Variants in VPS50 observed in about 807,000 individuals in gnomAD.
VPS50 encodes VPS50 subunit of EARP/GARPII complex, also known as syndetin.
VPS50 carries 70 observed loss-of-function variants against 139.7 expected under a neutral mutation model. That is an observed-to-expected ratio of 0.50 (90% CI 0.41 to 0.61). The LOEUF is 0.61. Among genes scored for constraint, VPS50 ranks in the 20% least tolerant of loss-of-function variants. VPS50 has a pLI of 0.00. For missense variants in VPS50, 921 were observed against 1,133.7 expected (o/e 0.81, Z 2.69); for synonymous variants, 365 against 376.7 (o/e 0.97, Z 0.36).
intron 5 of VPS50, 42 bp from the exon 6 acceptor site, chr7:93,257,352 T>C (rs1420121558): frequency 8.2e-7 from 1 of 1,219,394 alleles, no homozygotes; most frequent in African/African-American, 1.5e-5. Context: ...GAAAGAAAAA[T>C]AAAATACCTC....
At chr7:93,309,633 A>G (rs1213110790) in intron 19 of VPS50, among the ~76,000 whole-genome samples, 1 of 151,828 alleles carries the variant, frequency 6.6e-6, no homozygotes, top group East Asian at 1.9e-4. Context: ...CCCCTATGTC[A>G]TTTTTGTTCA....
chr7:93,344,601 T>C (rs1798332126), intron 23 of VPS50, among the ~76,000 whole-genome samples: 1 of 151,926 alleles, frequency 6.6e-6, no homozygotes, highest in Non-Finnish European at 1.5e-5. Flanking sequence ...CCTCAGCAAA[T>C]GTAAAAGAAC....
At chr7:93,239,814 T>A in intron 1 of VPS50, 52 bp from the exon 2 acceptor site, 2 of 1,065,428 alleles carry the variant, frequency 1.9e-6, no homozygotes, top group Non-Finnish European at 1.5e-6. Context: ...TTCTATCCTT[T>A]TATAATTCTT....
chr7:93,318,064 T>C (rs1158456370), intron 20 of VPS50, among the ~76,000 whole-genome samples: 1 of 150,026 alleles, frequency 6.7e-6, no homozygotes, highest in African/African-American at 2.5e-5. Flanking sequence ...TATAATCATA[T>C]AATAATGATA....
intron 9 of VPS50, among the ~76,000 whole-genome samples, chr7:93,261,495 G>A (rs1031586783): frequency 5.9e-5 from 9 of 151,966 alleles, no homozygotes; most frequent in Non-Finnish European, 1.3e-4. Flanking sequence ...GGCTAACACG[G>A]TGAAACCCCG....
intron 14 of VPS50, among the ~76,000 whole-genome samples, chr7:93,296,452 A>G (rs942526799): frequency 6.6e-6 from 1 of 152,126 alleles, no homozygotes; most frequent in African/African-American, 2.4e-5. Context: ...AAATTTTACA[A>G]TCTATGATAG....
intron 21 of VPS50, among the ~76,000 whole-genome samples, chr7:93,332,682 A>G (rs148689737): frequency 4.5e-4 from 69 of 152,354 alleles, no homozygotes; most frequent in African/African-American, 1.6e-3. Context: ...GTTCATGGTG[A>G]CATTATTCAA....
chr7:93,323,228 A>G (rs1395070591), intron 20 of VPS50: 1 of 152,188 alleles, frequency 6.6e-6, no homozygotes, highest in Non-Finnish European at 1.5e-5. Flanking sequence ...TTTCAAAGAA[A>G]TTATTTTAAA....
chr7:93,285,926 A>G (rs1181775777), intron 12 of VPS50, among the ~76,000 whole-genome samples: 2 of 152,064 alleles, frequency 1.3e-5, no homozygotes, highest in African/African-American at 4.8e-5. Flanking sequence ...ACCTTTTATG[A>G]TCGCCAAATT....
chr7:93,354,155 G>A (rs1347583646), intron 26 of VPS50, among the ~76,000 whole-genome samples: 1 of 151,918 alleles, frequency 6.6e-6, no homozygotes, highest in Non-Finnish European at 1.5e-5. Flanking sequence ...AACTCTCTTT[G>A]GTAGGTACTA....
intron 26 of VPS50, among the ~76,000 whole-genome samples, chr7:93,355,113 C>CT (rs142584962): frequency 0.016 from 1,563 of 94,834 alleles, 13 homozygotes; most frequent in Admixed American, 0.023. Flanking sequence ...ATAAAATACT[C>CT]TTTTTTAAAA....
intron 2 of VPS50, among the ~76,000 whole-genome samples, chr7:93,244,133 A>C (rs1373910691): frequency 1.3e-5 from 2 of 151,862 alleles, no homozygotes; most frequent in Non-Finnish European, 2.9e-5. Flanking sequence ...GTTGCAGTCA[A>C]CATTTGATAA....
intron 2 of VPS50, among the ~76,000 whole-genome samples, chr7:93,247,109 C>T (rs1275745000): frequency 6.6e-6 from 1 of 151,798 alleles, no homozygotes; most frequent in Non-Finnish European, 1.5e-5. Context: ...GAAAAATAGA[C>T]TAGGTGGTAT....
intron 25 of VPS50, among the ~76,000 whole-genome samples, chr7:93,351,027 A>C (rs1798541079): frequency 6.6e-6 from 1 of 152,204 alleles, no homozygotes. Context: ...CCATAGATTT[A>C]AAATAGAGAT....
chr7:93,287,785 TG>T (rs779365255), intron 12 of VPS50, among the ~76,000 whole-genome samples: 5 of 152,182 alleles, frequency 3.3e-5, no homozygotes, highest in Admixed American at 6.5e-5. Flanking sequence ...TTGGGATTTT[TG>T]CTTTGCCTTG....
At chr7:93,238,816 C>T (rs1258582807) in intron 1 of VPS50, among the ~76,000 whole-genome samples, 2 of 152,084 alleles carry the variant, frequency 1.3e-5, no homozygotes, top group Non-Finnish European at 2.9e-5. Flanking sequence ...TGATGTATTG[C>T]TTTCTCATTT....
At chr7:93,271,810 A>G (rs1796018872) in intron 10 of VPS50, among the ~76,000 whole-genome samples, 1 of 151,776 alleles carries the variant, frequency 6.6e-6, no homozygotes, top group Non-Finnish European at 1.5e-5. Context: ...GAGGGTATTC[A>G]TTTTAATAAA....
intron 22 of VPS50, among the ~76,000 whole-genome samples, chr7:93,338,174 C>T (rs1348158562): frequency 6.6e-6 from 1 of 152,078 alleles, no homozygotes; most frequent in African/African-American, 2.4e-5. Flanking sequence ...AGAAAACGAG[C>T]TATGTGATGA....
chr7:93,308,199 T>C (rs1423917247), intron 18 of VPS50, among the ~76,000 whole-genome samples: 1 of 151,880 alleles, frequency 6.6e-6, no homozygotes, highest in Non-Finnish European at 1.5e-5. Context: ...TGAATTCCAC[T>C]GTCTTTCCCA....
Sources: gnomAD v4.1 joint callset for allele counts (sites outside exome capture counted in the v4.1 genomes callset) on GRCh38, gnomAD v4.1.1 for gene constraint, MANE v1.5 for transcripts, NCBI Gene and HGNC (gene_info 2026-07-23, HGNC 2026-07-21) for gene names.